Variants in POLR3B observed in about 807,000 individuals in gnomAD.
The protein encoded by POLR3B is RNA polymerase III subunit B.
A neutral mutation model predicts 147.4 loss-of-function variants in POLR3B; 96 were observed. The observed-to-expected ratio is 0.65, with a 90% CI of 0.55 to 0.77. The LOEUF (loss-of-function observed/expected upper bound fraction) is 0.77, where lower values mean the gene tolerates loss of function less well. POLR3B is among the 30% of genes least tolerant of loss of function. The pLI, the probability that POLR3B is intolerant of heterozygous loss-of-function variation, is 0.00. For synonymous variants in POLR3B, 461 were observed against 485.9 expected (o/e 0.95, Z 0.67); for missense variants, 1,036 against 1,413.5 (o/e 0.73, Z 4.28).
chr12:106,447,818 T>A (rs2037742811), intron 19 of POLR3B, among the ~76,000 whole-genome samples: 1 of 152,224 alleles, frequency 6.6e-6, no homozygotes, highest in South Asian at 2.1e-4. Flanking sequence ...CTGCTTCAAC[T>A]TCAAACTACT....
At chr12:106,481,012 G>A (rs1042395113) in intron 23 of POLR3B, among the ~76,000 whole-genome samples, 1 of 152,212 alleles carries the variant, frequency 6.6e-6, no homozygotes, top group Non-Finnish European at 1.5e-5. Flanking sequence ...AGAGAAGTAA[G>A]AGGGTGAGCC....
Position 106,479,796 on chromosome 12 carries a change from CTTCTTTTCTTTTCTT to C in POLR3B, c.2713+16195_2713+16209del, listed in dbSNP as rs71072680. ...TTCTGTTTCTAATTTTCTTTCCTTCCTTCTTTTCTTTTCTTTTCTTTTCTTTTCTTTTCACAGTAT... is the reference window on the plus strand; with the variant it reads ...TTCTGTTTCTAATTTTCTTTCCTTCCTTCTTTTCTTTTCTTTTCACAGTAT... On this transcript the variant is annotated intron_variant, in intron 23 of 27. Coordinates refer to ENST00000228347, the MANE Select transcript of POLR3B (RefSeq NM_018082.6). Among the ~76,000 whole-genome samples, 5 of 133,916 alleles carry C rather than the reference CTTCTTTTCTTTTCTT, an allele frequency of 3.7e-5. No homozygotes were observed. The South Asian group carries it at 7.2e-4, about 19-fold the overall frequency. 87.9% of individuals were successfully genotyped at this position (133,916 alleles called of 152,430 possible).
intron 16 of POLR3B, among the ~76,000 whole-genome samples, chr12:106,436,007 C>A (rs1462919155): frequency 6.6e-6 from 1 of 152,122 alleles, no homozygotes; most frequent in African/African-American, 2.4e-5. Flanking sequence ...AACCTGAATC[C>A]ACTGCAGCGC....
intron 9 of POLR3B, among the ~76,000 whole-genome samples, chr12:106,391,094 T>C (rs1205153936): frequency 6.6e-6 from 1 of 152,212 alleles, no homozygotes; most frequent in African/African-American, 2.4e-5. Context: ...GCTGCAGTTA[T>C]CTGAAGGCTG....
At chr12:106,362,613 T>G (rs1212217961) in intron 1 of POLR3B, among the ~76,000 whole-genome samples, 1 of 152,180 alleles carries the variant, frequency 6.6e-6, no homozygotes, top group Non-Finnish European at 1.5e-5. Flanking sequence ...TGCATCTCTA[T>G]GTCCAATTTC....
chr12:106,381,741 C>CT (rs777251215), intron 9 of POLR3B, among the ~76,000 whole-genome samples: 41 of 152,174 alleles, frequency 2.7e-4, no homozygotes, highest in Admixed American at 2.0e-3. Context: ...TACAAACATT[C>CT]TTTTTTTTAA....
intron 12 of POLR3B, among the ~76,000 whole-genome samples, chr12:106,421,450 T>A (rs1318472195): frequency 6.6e-6 from 1 of 152,100 alleles, no homozygotes; most frequent in Non-Finnish European, 1.5e-5. Flanking sequence ...AACTTTTAAG[T>A]TTTTGTCTAA....
At chr12:106,398,862 A>C (rs2037019203) in intron 10 of POLR3B, among the ~76,000 whole-genome samples, 1 of 152,218 alleles carries the variant, frequency 6.6e-6, no homozygotes, top group Admixed American at 6.5e-5. Flanking sequence ...CCAAAGGTAG[A>C]TGAAACCACA....
At chr12:106,452,268 G>A (rs137977464) in intron 19 of POLR3B, among the ~76,000 whole-genome samples, 5 of 152,242 alleles carry the variant, frequency 3.3e-5, no homozygotes, top group African/African-American at 1.2e-4. Context: ...AAAAATGCAC[G>A]TACATGTATA....
At chr12:106,466,738 G>T (rs914879866) in intron 23 of POLR3B, among the ~76,000 whole-genome samples, 3 of 152,132 alleles carry the variant, frequency 2.0e-5, no homozygotes, top group Admixed American at 2.0e-4. Context: ...TGTGTGTCAG[G>T]TTTATCAAAG....
chr12:106,449,118 T>C (rs928699836), intron 19 of POLR3B, among the ~76,000 whole-genome samples: 16 of 152,234 alleles, frequency 1.1e-4, no homozygotes, highest in Non-Finnish European at 1.5e-4. Flanking sequence ...ATAAGATATC[T>C]TGGGGATGGG....
chr12:106,409,268 T>A (rs1376436480), intron 11 of POLR3B, among the ~76,000 whole-genome samples: 1 of 151,236 alleles, frequency 6.6e-6, no homozygotes, highest in Non-Finnish European at 1.5e-5. Flanking sequence ...CAATTGAAAA[T>A]GTAAATTACT....
chr12:106,420,290 A>G (rs1311930833), intron 12 of POLR3B, among the ~76,000 whole-genome samples: 3 of 152,080 alleles, frequency 2.0e-5, no homozygotes, highest in African/African-American at 7.2e-5. Context: ...CAAAGTTTAT[A>G]TATATAGTTT....
At chr12:106,469,655 A>T (rs2038061014) in intron 23 of POLR3B, among the ~76,000 whole-genome samples, 1 of 152,140 alleles carries the variant, frequency 6.6e-6, no homozygotes, top group African/African-American at 2.4e-5. Context: ...GTGGTGACAA[A>T]ATGTCTCAGC....
In POLR3B at chr12:106,509,754, G is replaced by C. The variant is rs2038746494; in HGVS notation, c.*205G>C. 4.0e-6 allele frequency: 2 copies of C among 500,994 alleles called. No individual in the cohort carries two copies. Among genetic ancestry groups the C allele is most frequent in the Non-Finnish European group, 7.3e-6 (2 of 274,658 alleles). The allele number at this position is 500,994 out of a possible 1,614,324, so 31.0% of individuals were successfully genotyped here. The stretch of plus-strand genomic sequence containing the variant: ...TCATTGAGCCTCGAGCCATGGGAGA[G>C]ATGCTGACCATGTGGACTGCAAGGC... On this transcript the variant is annotated 3_prime_UTR_variant, in exon 28 of 28. Coordinates refer to ENST00000228347, the MANE Select transcript of POLR3B (RefSeq NM_018082.6).
rs527797182 is a variant in POLR3B, at chr12:106,483,425, C to T, written c.2714-12630C>T. Among the ~76,000 whole-genome samples, 4 of 152,264 alleles carry T rather than the reference C, an allele frequency of 2.6e-5. No homozygotes were observed. The East Asian group carries it at 7.7e-4, about 29-fold the overall frequency. On this transcript the variant is annotated intron_variant, in intron 23 of 27. Coordinates refer to ENST00000228347, the MANE Select transcript of POLR3B (RefSeq NM_018082.6). ...TAGGGGATAGAAAGTAAATTAATCC[C>T]TTGACTAATGCCCATGAGGAGTTGA... is the stretch of plus-strand genomic sequence containing the variant.
intron 19 of POLR3B, among the ~76,000 whole-genome samples, chr12:106,448,433 T>TTC (rs2037752951): frequency 8.4e-6 from 1 of 119,378 alleles, no homozygotes; most frequent in Non-Finnish European, 1.7e-5. Flanking sequence ...ATTTCTTTTT[T>TTC]TTTTTTTTTT....
intron 11 of POLR3B, among the ~76,000 whole-genome samples, chr12:106,409,027 T>C (rs549157324): frequency 2.0e-5 from 3 of 152,294 alleles, no homozygotes; most frequent in South Asian, 4.1e-4. Flanking sequence ...TACTTATAAA[T>C]GTCTTGGGAG....
chr12:106,480,602 C>T (rs1255231838), intron 23 of POLR3B, among the ~76,000 whole-genome samples: 1 of 152,162 alleles, frequency 6.6e-6, no homozygotes, highest in African/African-American at 2.4e-5. Context: ...ATCAAGTACT[C>T]AAGTGATGGT....
Sources: allele counts gnomAD v4.1 joint callset (sites outside exome capture counted in the v4.1 genomes callset), GRCh38; gene constraint gnomAD v4.1.1; transcripts MANE v1.5; gene names NCBI Gene and HGNC (gene_info 2026-07-23, HGNC 2026-07-21).